The following TANC1 variants were observed in gnomAD, a reference collection of about 807,000 sequenced individuals.
The protein encoded by TANC1 is tetratricopeptide repeat, ankyrin repeat and coiled-coil containing 1.
In TANC1, 77 loss-of-function variants were observed where a neutral mutation model predicts 149.7. The ratio of observed to expected loss-of-function variants is 0.51; its 90% CI spans 0.43 to 0.62. The LOEUF is 0.62. Ranked by LOEUF, TANC1 falls within the 20% of genes least tolerant of loss-of-function variation. TANC1 has a pLI of 0.00. For missense variants in TANC1, 1,985 were observed against 2,321.8 expected (o/e 0.85, Z 2.98); for synonymous variants, 854 against 925.0 (o/e 0.92, Z 1.39).
At chr2:159,175,794 C>T (rs1334334557) in intron 12 of TANC1, among the ~76,000 whole-genome samples, 1 of 152,246 alleles carries the variant, frequency 6.6e-6, no homozygotes, top group Non-Finnish European at 1.5e-5. Context: ...ATCATTTCTT[C>T]TCTATTGCCT....
chr2:159,166,116 T>C (rs1471448762), intron 8 of TANC1, among the ~76,000 whole-genome samples: 1 of 152,234 alleles, frequency 6.6e-6, no homozygotes, highest in Non-Finnish European at 1.5e-5. Flanking sequence ...GACACCTCTT[T>C]CCTTTATTAA....
chr2:159,138,144 T>TCTGATTC (rs570141938), intron 5 of TANC1, among the ~76,000 whole-genome samples: 20,788 of 151,938 alleles, frequency 0.14, 1,869 homozygotes, highest in East Asian at 0.46. Context: ...ACCTGAGCTT[T>TCTGATTC]CTGATTCGGC....
At chr2:159,166,912 T>C (rs1352441200) in intron 8 of TANC1, among the ~76,000 whole-genome samples, 1 of 152,190 alleles carries the variant, frequency 6.6e-6, no homozygotes. Flanking sequence ...GCTGTGGAAG[T>C]GCTGAGGCTG....
intron 22 of TANC1, among the ~76,000 whole-genome samples, chr2:159,220,168 G>T (rs1355139663): frequency 1.3e-5 from 2 of 152,036 alleles, no homozygotes; most frequent in African/African-American, 4.8e-5. Context: ...GCATACACAT[G>T]TGCATATGTG....
At chr2:159,168,304 T>TG (rs1409844006) in intron 8 of TANC1, among the ~76,000 whole-genome samples, 36 of 149,920 alleles carry the variant, frequency 2.4e-4, no homozygotes, top group Middle Eastern at 3.4e-3. Flanking sequence ...CTTTAATTTT[T>TG]TTTTTTTTTT....
chr2:159,000,013 C>T (rs185936852), intron 1 of TANC1, among the ~76,000 whole-genome samples: 44 of 152,206 alleles, frequency 2.9e-4, no homozygotes, highest in East Asian at 2.7e-3. Flanking sequence ...TGGGCTCAAG[C>T]GATCCTCCCT....
At chr2:159,214,233 A>C (rs1256709716) in intron 19 of TANC1, among the ~76,000 whole-genome samples, 3 of 152,148 alleles carry the variant, frequency 2.0e-5, no homozygotes, top group African/African-American at 7.2e-5. Flanking sequence ...GCATTTAAAA[A>C]ATGAAATTTG....
intron 22 of TANC1, among the ~76,000 whole-genome samples, chr2:159,221,720 T>C (rs915282072): frequency 6.6e-6 from 1 of 152,258 alleles, no homozygotes; most frequent in African/African-American, 2.4e-5. Context: ...CTGGTTGTTT[T>C]TAAAGTGATA....
chr2:158,984,697 T>C (rs1370442703), intron 1 of TANC1, among the ~76,000 whole-genome samples: 1 of 145,898 alleles, frequency 6.9e-6, no homozygotes, highest in African/African-American at 2.6e-5. Flanking sequence ...GGAGGAGGAG[T>C]TGACAGTGGC....
At chr2:159,108,183 GAA>G (rs2047378288) in intron 4 of TANC1, among the ~76,000 whole-genome samples, 3 of 152,190 alleles carry the variant, frequency 2.0e-5, no homozygotes, top group Non-Finnish European at 4.4e-5. Context: ...CATATCCAGA[GAA>G]AAGTGACGCT....
intron 2 of TANC1, among the ~76,000 whole-genome samples, chr2:159,042,214 G>A (rs890761871): frequency 5.9e-5 from 9 of 152,170 alleles, no homozygotes; most frequent in East Asian, 3.9e-4. Context: ...ACCCAGCCTC[G>A]GCACGCACAA....
chr2:159,228,155 T>C (rs1045702367), intron 25 of TANC1, 190 bp downstream of exon 25: 3 of 619,256 alleles, frequency 4.8e-6, no homozygotes, highest in Non-Finnish European at 8.2e-6. Flanking sequence ...GCTACGCTCC[T>C]CGCATGATGT....
At chr2:158,981,516 TATATATATATATATATATATATATATAA>T (rs1249962116) in intron 1 of TANC1, among the ~76,000 whole-genome samples, 151 of 118,708 alleles carry the variant, frequency 1.3e-3, no homozygotes, top group Admixed American at 2.8e-3. Flanking sequence ...TATATATATA[TATATATATATATATATATATATATATAA>T]AGAAGTAACA....
chr2:159,045,785 T>G (rs1181408939), intron 2 of TANC1, among the ~76,000 whole-genome samples: 2 of 152,218 alleles, frequency 1.3e-5, no homozygotes, highest in African/African-American at 4.8e-5. Context: ...AAACATTCCC[T>G]TGTGCCATAA....
At chr2:158,995,175 G>C (rs1386461172) in intron 1 of TANC1, among the ~76,000 whole-genome samples, 1 of 152,174 alleles carries the variant, frequency 6.6e-6, no homozygotes, top group Non-Finnish European at 1.5e-5. Context: ...CCCTGTGTTT[G>C]CATAAGGTTG....
At chr2:159,157,923 CAGGGAAGG>C (rs1401991986) in intron 7 of TANC1, among the ~76,000 whole-genome samples, 1 of 152,154 alleles carries the variant, frequency 6.6e-6, no homozygotes, top group Non-Finnish European at 1.5e-5. Flanking sequence ...CTCTGCAACC[CAGGGAAGG>C]ACAAATCACT....
intron 4 of TANC1, among the ~76,000 whole-genome samples, chr2:159,125,585 C>G (rs569586004): frequency 7.3e-6 from 1 of 137,766 alleles, no homozygotes; most frequent in African/African-American, 2.6e-5. Flanking sequence ...CTCCCTCCCT[C>G]CCTTCCTTCC....
chr2:159,064,912 C>A (rs1045247390), intron 2 of TANC1, among the ~76,000 whole-genome samples: 1 of 152,120 alleles, frequency 6.6e-6, no homozygotes, highest in Non-Finnish European at 1.5e-5. Context: ...CTCCCTTCCC[C>A]GTCCTCATTC....
At chr2:159,040,653 C>T (rs1216370330) in intron 2 of TANC1, among the ~76,000 whole-genome samples, 2 of 152,162 alleles carry the variant, frequency 1.3e-5, no homozygotes, top group East Asian at 3.9e-4. Context: ...TCTAGTTAGC[C>T]ATTCGTCTAA....
Sources: gnomAD v4.1 joint callset for allele counts (sites outside exome capture counted in the v4.1 genomes callset) on GRCh38, gnomAD v4.1.1 for gene constraint, MANE v1.5 for transcripts, NCBI Gene and HGNC (gene_info 2026-07-23, HGNC 2026-07-21) for gene names.